The following IL4I1 variants were observed in gnomAD, a reference collection of about 807,000 sequenced individuals.
IL4I1 encodes the protein interleukin 4 induced 1.
Under a neutral mutation model 29.7 loss-of-function variants are expected in IL4I1, and 24 were observed. The observed-to-expected ratio is 0.81, with a 90% CI of 0.59 to 1.14. IL4I1 has a LOEUF of 1.14. IL4I1 is among the 50% of genes most tolerant of loss of function. The pLI is 0.00. For missense variants in IL4I1, 686 were observed against 785.6 expected, an observed-to-expected ratio of 0.87 and a Z score of 1.52; for synonymous variants, 371 against 352.5, an observed-to-expected ratio of 1.05 and a Z score of -0.59.
chr19:49,891,873 A>G (rs2075144398), intron 5 of IL4I1, among the ~76,000 whole-genome samples: 1 of 151,962 alleles, frequency 6.6e-6, no homozygotes, highest in Non-Finnish European at 1.5e-5. Context: ...GGGCTCAGTG[A>G]TTATTTGTTG....
chr19:49,893,311 GC>G (rs1406739700), intron 5 of IL4I1, among the ~76,000 whole-genome samples: 3 of 151,630 alleles, frequency 2.0e-5, no homozygotes, highest in Non-Finnish European at 4.4e-5. Context: ...AGAGGAGGAG[GC>G]CTGAGCTGGG....
Position 49,890,956 on chromosome 19 carries a change from AG to A in IL4I1, c.773+14del. 4.9e-6 allele frequency: 1 copy of A among 205,342 alleles called. No homozygotes were observed. The highest frequency in any genetic ancestry group is 1.2e-4 in the Admixed American group (1 of 8,430). The allele number at this position is 205,342 out of a possible 1,614,324, so 12.7% of individuals were successfully genotyped here. ...CCCCCGCCCCCCCCCCCTGCCCGCC[AG>A]CCCCGCCCCTTACTGGAGTCTGTCG... On this transcript the variant is annotated intron_variant, in intron 7 of 7. Coordinates refer to ENST00000391826, the MANE Select transcript of IL4I1 (RefSeq NM_152899.2).
At chr19:49,905,312 G>C (rs1417592566) in intron 2 of IL4I1, among the ~76,000 whole-genome samples, 2 of 152,202 alleles carry the variant, frequency 1.3e-5, no homozygotes, top group Non-Finnish European at 2.9e-5. Flanking sequence ...TCCAGCACCA[G>C]ATCAGGATCA....
At chr19:49,907,493 A>G (rs1384723578) in intron 2 of IL4I1, 5 of 440,264 alleles carry the variant, frequency 1.1e-5, no homozygotes, top group Non-Finnish European at 2.2e-5. Flanking sequence ...TTTCACAAGC[A>G]CAAGCTCACA....
intron 2 of IL4I1, chr19:49,907,197 G>C (rs1172439243): frequency 9.2e-6 from 2 of 216,788 alleles, no homozygotes; most frequent in Non-Finnish European, 1.9e-5. Context: ...GCTAGCACAG[G>C]ATAGCATAAC....
chr19:49,895,831 C>T lies in IL4I1; in HGVS notation c.236G>A (p.Ser79Asn), dbSNP rs1251602711. ...GCTTCCCACCTTGTGTCCAGCATCG[C>T]TGAGCACCTTGGCGGCCACCAGCCC... Reference protein sequence around the residue: ...VAGLVAAKVLSDAGHKVTILE... With the variant: ...VAGLVAAKVLNDAGHKVTILE... The change falls in exon 3 of 8, where the codon AGC becomes AAC. Residue 79 changes from serine to asparagine, a missense_variant. By Grantham distance (46) the Ser-to-Asn change is conservative (BLOSUM62 1). Coordinates refer to ENST00000391826, the MANE Select transcript of IL4I1 (RefSeq NM_152899.2). 2 of 1,614,136 alleles carry T rather than the reference C, an allele frequency of 1.2e-6. No individual in the cohort carries two copies. The highest frequency in any genetic ancestry group is 1.1e-5 in the South Asian group (1 of 91,082).
intron 2 of IL4I1, among the ~76,000 whole-genome samples, chr19:49,914,726 G>GTTTTT (rs530372497): frequency 0.061 from 3,439 of 56,266 alleles, 939 homozygotes; most frequent in Middle Eastern, 0.074. Context: ...CCAAGTCCCA[G>GTTTTT]TTTTTTTTTT....
chr19:49,925,639 GC>G (rs1220921495), intron 2 of IL4I1, among the ~76,000 whole-genome samples: 1 of 152,130 alleles, frequency 6.6e-6, no homozygotes, highest in Non-Finnish European at 1.5e-5. Flanking sequence ...GAGCCATGAT[GC>G]CTAAATATAA....
intron 2 of IL4I1, among the ~76,000 whole-genome samples, chr19:49,912,600 A>G (rs1468335539): frequency 6.6e-6 from 1 of 152,014 alleles, no homozygotes; most frequent in African/African-American, 2.4e-5. Flanking sequence ...GAGGTGGCTC[A>G]CGCCTGTAAT....
At chr19:49,920,064 C>T (rs977085693) in intron 2 of IL4I1, among the ~76,000 whole-genome samples, 1 of 151,942 alleles carries the variant, frequency 6.6e-6, no homozygotes, top group Admixed American at 6.6e-5. Context: ...GCTGGGATTA[C>T]ACATGTGTGC....
intron 2 of IL4I1, chr19:49,908,092 A>C (rs1402783247): frequency 6.8e-7 from 1 of 1,467,188 alleles, no homozygotes; most frequent in African/African-American, 1.4e-5. Flanking sequence ...GAAAAACGCA[A>C]AGCACACAGC....
At chr19:49,922,970 C>T (rs2075799685) in intron 2 of IL4I1, among the ~76,000 whole-genome samples, 1 of 152,190 alleles carries the variant, frequency 6.6e-6, no homozygotes, top group African/African-American at 2.4e-5. Context: ...ATGAGGTGAC[C>T]ACAGGTCGGG....
At chr19:49,891,912 C>A (rs2075144908) in intron 5 of IL4I1, among the ~76,000 whole-genome samples, 1 of 152,052 alleles carries the variant, frequency 6.6e-6, no homozygotes, top group Admixed American at 6.6e-5. Flanking sequence ...CGGACAGAAG[C>A]TGGTCCCCTG....
intron 2 of IL4I1, among the ~76,000 whole-genome samples, chr19:49,905,252 T>G (rs958828527): frequency 2.6e-5 from 4 of 152,236 alleles, no homozygotes; most frequent in African/African-American, 9.6e-5. Context: ...AATTTTCTCA[T>G]CATGATTGTG....
upstream of IL4I1, among the ~76,000 whole-genome samples, chr19:49,900,025 C>T (rs1314080794): frequency 6.6e-6 from 1 of 152,058 alleles, no homozygotes; most frequent in Non-Finnish European, 1.5e-5. Flanking sequence ...TTCATAGCGA[C>T]GGGGCCTTGC....
intron 2 of IL4I1, among the ~76,000 whole-genome samples, chr19:49,914,279 C>A (rs982068295): frequency 6.6e-6 from 1 of 152,186 alleles, no homozygotes; most frequent in African/African-American, 2.4e-5. Context: ...ACCAAAGAAG[C>A]TGATGGTGCT....
chr19:49,905,938 G>C (rs184720731), intron 2 of IL4I1, among the ~76,000 whole-genome samples: 1 of 151,980 alleles, frequency 6.6e-6, no homozygotes, highest in African/African-American at 2.4e-5. Context: ...TCATGACTTC[G>C]GGAGACTTTT....
chr19:49,900,203 A>T (rs2075259477), upstream of IL4I1, among the ~76,000 whole-genome samples: 1 of 152,016 alleles, frequency 6.6e-6, no homozygotes, highest in Non-Finnish European at 1.5e-5. Flanking sequence ...TAATTAAAGA[A>T]AAAAAAATCC....
chr19:49,895,984 C>A lies in IL4I1; in HGVS notation c.83G>T (p.Arg28Leu), dbSNP rs141664132. The A allele has an allele frequency of 1.9e-6, 3 of 1,614,048 alleles. No homozygotes were observed. Among genetic ancestry groups the A allele is most frequent in the Non-Finnish European group, 2.5e-6 (3 of 1,180,038 alleles). The change falls in exon 3 of 8, where the codon CGC (arginine) becomes CTC (leucine). Residue 28 changes from arginine to leucine, a missense_variant. Physicochemically the swap from Arg to Leu is moderately radical, Grantham distance 102. Transcript: ENST00000391826. ...LVASQDWKAE[R>L]SQDPFEKCMQ... ...GCATTTCTCGAAGGGGTCTTGGCTG[C>A]GTTCAGCCTTCCAGTCCTGGGAGGC...
Sources: allele counts gnomAD v4.1 joint callset (sites outside exome capture counted in the v4.1 genomes callset), GRCh38; gene constraint gnomAD v4.1.1; transcripts MANE v1.5; gene names NCBI Gene and HGNC (gene_info 2026-07-23, HGNC 2026-07-21).